Variants in KCNJ5 observed in about 807,000 individuals in gnomAD.
KCNJ5 encodes the protein G protein-activated inward rectifier potassium channel 4.
KCNJ5 carries 12 observed loss-of-function variants against 20.2 expected under a neutral mutation model. The ratio of observed to expected loss-of-function variants is 0.59; its 90% confidence interval spans 0.38 to 0.96. The LOEUF is 0.96. KCNJ5 is among the 40% of genes least tolerant of loss of function. The pLI, the probability that KCNJ5 is intolerant of heterozygous loss-of-function variation, is 0.00. For synonymous variants in KCNJ5, 210 were observed against 213.9 expected (o/e 0.98, Z 0.16); for missense variants, 449 against 557.6 (o/e 0.81, Z 1.96).
chr11:128,911,219 A>G lies in KCNJ5; in HGVS notation c.-10-45A>G. On this transcript the variant is annotated intron_variant, in intron 1 of 2. Coordinates refer to ENST00000529694, the MANE Select transcript of KCNJ5 (RefSeq NM_000890.5). The surrounding 1 kb of genome is among the most constrained non-coding windows in gnomAD (Gnocchi z 6.3). ...TGGCCTTCCATCTTGTGTTCTAGTGAATCAGAACAGCCCACTTCACTGATG... is the reference window on the plus strand; with the variant it reads ...TGGCCTTCCATCTTGTGTTCTAGTGGATCAGAACAGCCCACTTCACTGATG... The G allele has an allele frequency of 6.6e-7, 1 of 1,503,862 alleles. No homozygotes were observed. The highest frequency in any genetic ancestry group is 1.1e-5 in the South Asian group (1 of 88,534). The allele number at this position is 1,503,862 out of a possible 1,614,324, so 93.2% of individuals were successfully genotyped here.
chr11:128,901,006 T>G (rs925748514), intron 1 of KCNJ5: 1 of 152,240 alleles, frequency 6.6e-6, no homozygotes, highest in African/African-American at 2.4e-5. Flanking sequence ...AGAGATGTCA[T>G]GAACATTAGG....
At chr11:128,912,574 G>A (rs1047600156) in intron 2 of KCNJ5, among the ~76,000 whole-genome samples, 8 of 152,130 alleles carry the variant, frequency 5.3e-5, no homozygotes, top group African/African-American at 9.7e-5. Context: ...GCAGTGGCCC[G>A]ATCTCGGCTC....
chr11:128,898,801 C>T lies in KCNJ5; in HGVS notation c.-11+7080C>T, dbSNP rs571188601. On this transcript the variant is annotated intron_variant, in intron 1 of 2. Coordinates refer to ENST00000529694, the MANE Select transcript of KCNJ5 (RefSeq NM_000890.5). ...CTGCGATTCTCATACCTTAGCCTCC[C>T]GAATAGCTGGGACTACAGGAACTCA... is the stretch of plus-strand genomic sequence containing the variant. Among the ~76,000 whole-genome samples, 8 of 152,238 alleles carry T rather than the reference C, an allele frequency of 5.3e-5. 1 individual carries two copies. The South Asian group carries it at 1.7e-3, about 32-fold the overall frequency.
chr11:128,908,185 G>T (rs1944450723), intron 1 of KCNJ5, among the ~76,000 whole-genome samples: 2 of 152,166 alleles, frequency 1.3e-5, no homozygotes, highest in Non-Finnish European at 2.9e-5. Flanking sequence ...CTTTAAAATG[G>T]GGTTAATGGG....
At position 128,920,532 on chromosome 11, in the gene KCNJ5, C is replaced by T. The variant is rs1049478708; in HGVS notation, c.*3801C>T. On this transcript the variant is annotated 3_prime_UTR_variant, in exon 3 of 3. Transcript: ENST00000529694. Reference sequence around the variant, plus strand: ...AAGTTGCCAAAAACCAAAAGTTGCCCGTTGTCATTTTTAAGACTGTGCCCT... The same window carrying T: ...AAGTTGCCAAAAACCAAAAGTTGCCTGTTGTCATTTTTAAGACTGTGCCCT... 3 of 152,260 alleles carry T rather than the reference C, an allele frequency of 2.0e-5. No homozygotes were observed. The highest frequency in any genetic ancestry group is 4.8e-5 in the African/African-American group (2 of 41,430). The allele number at this position is 152,260 out of a possible 1,614,324, so 9.4% of individuals were successfully genotyped here.
intron 2 of KCNJ5, among the ~76,000 whole-genome samples, chr11:128,915,986 TTGGA>T (rs142142551): frequency 0.89 from 117,825 of 132,196 alleles, 51,736 homozygotes; most frequent in African/African-American, 0.93. Context: ...GGATGGATGA[TTGGA>T]TGGATGGATG....
intron 1 of KCNJ5, chr11:128,904,478 T>G (rs149383274): frequency 6.2e-7 from 1 of 1,609,102 alleles, no homozygotes; most frequent in South Asian, 1.1e-5. Flanking sequence ...CATCAGCACG[T>G]TGTCCAGCTC....
Position 128,919,441 on chromosome 11 carries a change from G to C in KCNJ5, c.*2710G>C, listed in dbSNP as rs1388216920. On this transcript the variant is annotated 3_prime_UTR_variant, in exon 3 of 3. Coordinates refer to ENST00000529694, the MANE Select transcript of KCNJ5 (RefSeq NM_000890.5). ...CCCGAGCCCGGGCATGCTGGGATTA[G>C]TGCAACACCGCCCCAGTGTGCCTCC... is the stretch of plus-strand genomic sequence containing the variant. 1 of 152,302 alleles carries C rather than the reference G, an allele frequency of 6.6e-6. No individual in the cohort carries two copies. Among genetic ancestry groups the C allele is most frequent in the Non-Finnish European group, 1.5e-5 (1 of 68,108 alleles). The allele number at this position is 152,302 out of a possible 1,614,324, so 9.4% of individuals were successfully genotyped here. A position where few individuals can be genotyped will look rare whatever the true frequency, so the allele number is the denominator to read the frequency against.
intron 1 of KCNJ5, among the ~76,000 whole-genome samples, chr11:128,907,213 T>C (rs1944432479): frequency 6.6e-6 from 1 of 152,092 alleles, no homozygotes; most frequent in Non-Finnish European, 1.5e-5. Flanking sequence ...TCTTAGAAAG[T>C]AGGAAATTGA....
intron 2 of KCNJ5, among the ~76,000 whole-genome samples, chr11:128,914,330 TCTGCCCCG>T (rs1220871299): frequency 2.6e-5 from 4 of 152,176 alleles, no homozygotes; most frequent in Admixed American, 6.5e-5. Context: ...GCCAGTGCTA[TCTGCCCCG>T]CTGCCCCGCT....
chr11:128,914,744 C>T (rs781209299), intron 2 of KCNJ5, among the ~76,000 whole-genome samples: 15 of 152,172 alleles, frequency 9.9e-5, no homozygotes, highest in Non-Finnish European at 1.3e-4. Context: ...CCTTTCCAAA[C>T]GTATTGAGCA....
chr11:128,892,086 G>C (rs1442382119), intron 1 of KCNJ5, among the ~76,000 whole-genome samples: 1 of 152,224 alleles, frequency 6.6e-6, no homozygotes, highest in African/African-American at 2.4e-5. Flanking sequence ...CCTTCAAATG[G>C]GAGCAGGGAG....
In KCNJ5 at chr11:128,917,585, T is replaced by C. The variant is rs958147320; in HGVS notation, c.*854T>C. ...AGAGTGCTTCTAATCATCACAGTAG[T>C]TTTTGTGTTTTGTTTTGTTTTGTTT... On this transcript the variant is annotated 3_prime_UTR_variant, in exon 3 of 3. Coordinates refer to ENST00000529694, the MANE Select transcript of KCNJ5 (RefSeq NM_000890.5). The C allele has an allele frequency of 7.3e-6, 1 of 137,636 alleles. No individual in the cohort carries two copies. Among genetic ancestry groups the C allele is most frequent in the African/African-American group, 2.7e-5 (1 of 36,696 alleles). The allele number at this position is 137,636 out of a possible 1,614,324, so 8.5% of individuals were successfully genotyped here.
chr11:128,907,891 A>G (rs1160068098), intron 1 of KCNJ5, among the ~76,000 whole-genome samples: 2 of 152,366 alleles, frequency 1.3e-5, no homozygotes, highest in Admixed American at 6.5e-5. Flanking sequence ...GGGTTTGGCT[A>G]TAGTAGTTCC....
intron 1 of KCNJ5, chr11:128,905,479 C>G (rs1209997152): frequency 1.3e-5 from 2 of 152,586 alleles, no homozygotes; most frequent in Non-Finnish European, 2.9e-5. Context: ...GGGGCTCCCC[C>G]GTCCCAGCCT....
chr11:128,894,274 C>T (rs1382963099), intron 1 of KCNJ5, among the ~76,000 whole-genome samples: 2 of 151,624 alleles, frequency 1.3e-5, no homozygotes, highest in South Asian at 2.1e-4. Context: ...GGAATGTGAT[C>T]GTTGGGGCAG....
Position 128,912,154 on chromosome 11 carries a change from T to C in KCNJ5, c.881T>C (p.Leu294Pro). 6.2e-7 allele frequency: 1 copy of C among 1,610,834 alleles called. No individual in the cohort carries two copies. The highest frequency in any genetic ancestry group is 8.5e-7 in the Non-Finnish European group (1 of 1,180,010). ...SPFWEMSQAQ[L>P]HQEEFEVVVI... is the part of the protein sequence containing the mutation. ...TTCTGGGAGATGTCTCAGGCTCAGCTGCATCAGGAAGAGTTTGAAGTTGTG... is the reference window on the plus strand; with the variant it reads ...TTCTGGGAGATGTCTCAGGCTCAGCCGCATCAGGAAGAGTTTGAAGTTGTG... Residue 294 changes from leucine (L) to proline (P), a missense_variant, in exon 2 of 3, where the codon CTG (leucine) becomes CCG (proline). Leu to Pro is a moderately conservative substitution (Grantham distance 98). Around this residue, in one of 5 missense-constraint regions of KCNJ5, gnomAD observed 145 missense variants for 166.2 expected, o/e 0.87. Transcript: ENST00000529694.
chr11:128,916,572 G>A lies in KCNJ5; in HGVS notation c.1101G>A (p.Leu367=), dbSNP rs1944585612. 6.2e-7 allele frequency: 1 copy of A among 1,614,106 alleles called. No homozygotes were observed. Among genetic ancestry groups the A allele is most frequent in the Middle Eastern group, 1.6e-4 (1 of 6,062 alleles). ...CACCCAGCTGCTGTGCCAAGGAGCTGGCAGAAATGAAGAGGGAAGGCCGGC... is the reference window on the plus strand; with the variant it reads ...CACCCAGCTGCTGTGCCAAGGAGCTAGCAGAAATGAAGAGGGAAGGCCGGC... ...TNTPSCCAKE[L]AEMKREGRLL... is the part of the protein sequence containing the mutation. Residue 367 remains leucine, a synonymous_variant, in exon 3 of 3, where the codon CTG becomes CTA. Transcript: ENST00000529694.
chr11:128,911,998 G>C lies in KCNJ5; in HGVS notation c.725G>C (p.Arg242Pro). The change falls in exon 2 of 3, where the codon CGG (arginine) becomes CCG (proline). Residue 242 changes from arginine to proline, a missense_variant. Physicochemically the swap from Arg to Pro is moderately radical, Grantham distance 103. Transcript: ENST00000529694. The surrounding 1 kb of genome is among the most constrained non-coding windows in gnomAD (Gnocchi z 6.3). ...ATCCGGGCCAAGCTCATCAAGTCCC[G>C]GCAGACCAAAGAGGGGGAGTTCATC... ...ASIRAKLIKS[R>P]QTKEGEFIPL... 1 of 1,608,616 alleles carries C rather than the reference G, an allele frequency of 6.2e-7. No homozygotes were observed. Among genetic ancestry groups the C allele is most frequent in the South Asian group, 1.1e-5 (1 of 90,614 alleles).
Sources: gnomAD v4.1 joint callset for allele counts (sites outside exome capture counted in the v4.1 genomes callset) on GRCh38, gnomAD v4.1.1 for gene constraint, gnomAD v4.1.1 regional missense constraint, Gnocchi (gnomAD v3.1) non-coding constraint, MANE v1.5 for transcripts, NCBI Gene and HGNC (gene_info 2026-07-23, HGNC 2026-07-21) for gene names.